The following HYDIN variants were observed in gnomAD, a reference collection of about 807,000 sequenced individuals.
HYDIN encodes the protein axonemal central pair apparatus protein HYDIN.
Under a neutral mutation model 403.9 loss-of-function variants are expected in HYDIN, and 132 were observed. The ratio of observed to expected loss-of-function variants is 0.33; its 90% CI spans 0.28 to 0.38. HYDIN has a LOEUF of 0.38. HYDIN is among the 10% of genes least tolerant of loss of function. The pLI is 1.00. For missense variants in HYDIN, 2,827 were observed against 5,009.5 expected (o/e 0.56, Z 13.15); for synonymous variants, 1,202 against 1,891.7 (o/e 0.64, Z 9.46).
chr16:71,224,499 T>C (rs1000949185), intron 1 of HYDIN, among the ~76,000 whole-genome samples: 4 of 152,182 alleles, frequency 2.6e-5, no homozygotes, highest in Admixed American at 1.3e-4. Context: ...TCTGAAATGA[T>C]TGATGAATCA....
At chr16:71,089,812 C>A (rs2083056348) in intron 11 of HYDIN, among the ~76,000 whole-genome samples, 1 of 151,050 alleles carries the variant, frequency 6.6e-6, no homozygotes, top group Admixed American at 6.6e-5. Context: ...AGTGGCAAGA[C>A]TGTGGGGAGG....
chr16:71,028,139 C>T (rs1049965999), intron 19 of HYDIN, among the ~76,000 whole-genome samples: 9 of 151,414 alleles, frequency 5.9e-5, no homozygotes, highest in African/African-American at 2.2e-4. Flanking sequence ...AGGACACACA[C>T]AGTTCATGTG....
chr16:70,820,246 A>G (rs2036163773), intron 83 of HYDIN, among the ~76,000 whole-genome samples: 1 of 119,124 alleles, frequency 8.4e-6, no homozygotes, highest in Admixed American at 1.2e-4. Context: ...GCTGGAGTGC[A>G]GTGGCGCAAT....
At chr16:71,019,141 T>C (rs1470796815) in intron 22 of HYDIN, among the ~76,000 whole-genome samples, 5 of 151,656 alleles carry the variant, frequency 3.3e-5, no homozygotes, top group South Asian at 2.1e-4. Flanking sequence ...TCCCTATGTG[T>C]TCCTTGATGC....
intron 85 of HYDIN, among the ~76,000 whole-genome samples, chr16:70,808,454 C>T (rs894652704): frequency 6.6e-6 from 1 of 152,150 alleles, no homozygotes; most frequent in Non-Finnish European, 1.5e-5. Context: ...TGAAAGGTGT[C>T]ACTTCCATGC....
chr16:71,067,333 C>G lies in HYDIN; in HGVS notation c.2032G>C (p.Glu678Gln), dbSNP rs751457086. The change falls in exon 15 of 86, where the codon GAG becomes CAG. Residue 678 changes from glutamate to glutamine, a missense_variant. Coordinates refer to ENST00000393567, the MANE Select transcript of HYDIN (RefSeq NM_001270974.2). ...GCCAGCACCTCTTCTCCGATGCCCT[C>G]CACGTCCACCACGAGTGCCAGCTCG... Reference protein sequence around the residue: ...KYELALVVDVEGIGEEVLALL... With the variant: ...KYELALVVDVQGIGEEVLALL... 2.6e-5 allele frequency: 42 copies of G among 1,613,334 alleles called. 2 individuals carry two copies.
intron 5 of HYDIN, among the ~76,000 whole-genome samples, chr16:71,169,241 C>T (rs997635055): frequency 1.3e-4 from 19 of 151,998 alleles, no homozygotes; most frequent in Admixed American, 2.6e-4. Context: ...GCCTGGACAA[C>T]GTGGAGAAAC....
intron 1 of HYDIN, among the ~76,000 whole-genome samples, chr16:71,205,605 C>T (rs1366435883): frequency 6.6e-6 from 1 of 152,236 alleles, no homozygotes; most frequent in Non-Finnish European, 1.5e-5. Flanking sequence ...GGAGCACCAA[C>T]ATTGTTCTGC....
At chr16:71,059,968 T>C (rs1380220186) in intron 18 of HYDIN, among the ~76,000 whole-genome samples, 1 of 152,046 alleles carries the variant, frequency 6.6e-6, no homozygotes, top group African/African-American at 2.4e-5. Context: ...AATACTCTCC[T>C]GTATTTCAGA....
At chr16:70,984,876 A>G (rs1210126543) in intron 28 of HYDIN, among the ~76,000 whole-genome samples, 1 of 151,358 alleles carries the variant, frequency 6.6e-6, no homozygotes, top group Non-Finnish European at 1.5e-5. Context: ...CGGGAATTAC[A>G]AGGGCAGCGT....
At chr16:71,097,803 A>T (rs1044207417) in intron 10 of HYDIN, among the ~76,000 whole-genome samples, 3 of 151,002 alleles carry the variant, frequency 2.0e-5, no homozygotes, top group African/African-American at 7.4e-5. Flanking sequence ...TGAACGTTCA[A>T]AATACTTTTG....
At chr16:71,065,602 T>C (rs908916758) in intron 15 of HYDIN, among the ~76,000 whole-genome samples, 30 of 152,238 alleles carry the variant, frequency 2.0e-4, no homozygotes, top group African/African-American at 7.0e-4. Context: ...CTTCAAAGAC[T>C]GACCTTACTA....
intron 25 of HYDIN, among the ~76,000 whole-genome samples, chr16:70,990,479 T>C (rs1485284871): frequency 1.3e-5 from 2 of 150,798 alleles, no homozygotes; most frequent in African/African-American, 2.4e-5. Context: ...ATAGACTTTT[T>C]TCTTTATACA....
chr16:71,148,682 A>C (rs2085415038), intron 7 of HYDIN, among the ~76,000 whole-genome samples: 1 of 150,676 alleles, frequency 6.6e-6, no homozygotes, highest in South Asian at 2.1e-4. Flanking sequence ...AGACATTAAG[A>C]AAATTAATTT....
chr16:70,944,809 A>G (rs555564509), intron 41 of HYDIN, among the ~76,000 whole-genome samples: 56 of 152,184 alleles, frequency 3.7e-4, no homozygotes, highest in African/African-American at 1.2e-3. Flanking sequence ...CTGGAGTGCA[A>G]TGGTGCCATC....
At chr16:71,170,931 A>T (rs548171831) in intron 5 of HYDIN, among the ~76,000 whole-genome samples, 9 of 152,334 alleles carry the variant, frequency 5.9e-5, no homozygotes, top group African/African-American at 1.4e-4. Context: ...TGACAGCAGA[A>T]AGTAGAAAGA....
chr16:70,911,992 G>A (rs1160608511), intron 47 of HYDIN, among the ~76,000 whole-genome samples: 1 of 151,748 alleles, frequency 6.6e-6, no homozygotes, highest in Admixed American at 6.6e-5. Flanking sequence ...TCTTTTGTCA[G>A]TTCTAGGATC....
chr16:70,931,714 G>A (rs1439867117), intron 45 of HYDIN, among the ~76,000 whole-genome samples: 4 of 152,136 alleles, frequency 2.6e-5, no homozygotes, highest in Non-Finnish European at 5.9e-5. Context: ...GAAATCTTCC[G>A]ATTAGAAAGG....
chr16:71,066,732 C>A (rs1222445407), intron 15 of HYDIN: 4 of 365,568 alleles, frequency 1.1e-5, no homozygotes. Context: ...TTTAACCCAG[C>A]TGCCTCTCTC....
Sources: gnomAD v4.1 joint callset for allele counts (sites outside exome capture counted in the v4.1 genomes callset) on GRCh38, gnomAD v4.1.1 for gene constraint, MANE v1.5 for transcripts, NCBI Gene and HGNC (gene_info 2026-07-23, HGNC 2026-07-21) for gene names.